ITGB1BP2: variants seen among roughly 807,000 people sequenced by gnomAD.
The protein encoded by ITGB1BP2 is integrin beta-1-binding protein 2.
ITGB1BP2 carries 27 observed loss-of-function variants against 32.2 expected under a neutral mutation model. That is an observed-to-expected ratio of 0.84 (90% confidence interval 0.62 to 1.16). ITGB1BP2 has a LOEUF of 1.16. Among genes scored for constraint, ITGB1BP2 ranks in the 50% most tolerant of loss-of-function variants. The pLI, the probability that ITGB1BP2 is intolerant of heterozygous loss-of-function variation, is 0.00. For synonymous variants in ITGB1BP2, 105 were observed against 94.7 expected, an observed-to-expected ratio of 1.11 and a Z score of -0.63; for missense variants, 250 against 267.3, an observed-to-expected ratio of 0.94 and a Z score of 0.45.
chrX:71,303,834 G>A lies in ITGB1BP2; in HGVS notation c.562G>A (p.Gly188Ser). Reference sequence around the variant, plus strand: ...CAGGATGAAGTCTTGGAGCTGTTGTGGCATCCAGACCCTGGATTTTGGGGC... The same window carrying A: ...CAGGATGAAGTCTTGGAGCTGTTGTAGCATCCAGACCCTGGATTTTGGGGC... ...HEGMKSWSCC[G>S]IQTLDFGAFL... Residue 188 changes from glycine (G) to serine (S), a missense_variant, in exon 8 of 11, where the codon GGC becomes AGC. Physicochemically the swap from Gly to Ser is moderately conservative, Grantham distance 56. Transcript: ENST00000373829. The A allele has an allele frequency of 8.3e-7, 1 of 1,208,853 alleles. No individual in the cohort carries two copies. The highest frequency in any genetic ancestry group is 1.1e-6 in the Non-Finnish European group (1 of 893,852).
chrX:71,302,008 T>C, intron 1 of ITGB1BP2, 129 bp from the exon 2 acceptor site: 1 of 902,035 alleles, frequency 1.1e-6, no homozygotes, highest in Admixed American at 3.3e-5. Context: ...TTACAGCCTT[T>C]GCTGGCTTTT....
chrX:71,301,944 T>C, intron 1 of ITGB1BP2, 74 bp downstream of exon 1: 1 of 978,001 alleles, frequency 1.0e-6, no homozygotes, highest in South Asian at 2.0e-5. Context: ...GGGCAGTGTG[T>C]TTGAGGAGCG....
Position 71,302,205 on chromosome X carries a change from G to A in ITGB1BP2, c.114+19G>A, listed in dbSNP as rs2031625186. On this transcript the variant is annotated intron_variant, in intron 2 of 10. Coordinates refer to ENST00000373829, the MANE Select transcript of ITGB1BP2 (RefSeq NM_012278.4). ...ACTTAAGGTGAGGAGTAGGTGAGGG[G>A]GGTTAGCAAGAGCATTTCCCAGAAG... The A allele has an allele frequency of 5.0e-6, 6 of 1,210,566 alleles. No homozygotes were observed. Among genetic ancestry groups the A allele is most frequent in the South Asian group, 1.8e-5 (1 of 56,919 alleles).
intron 7 of ITGB1BP2, 35 bp from the exon 8 acceptor site, chrX:71,303,777 T>C (rs1334766782): frequency 8.5e-7 from 1 of 1,176,733 alleles, no homozygotes; most frequent in Non-Finnish European, 1.2e-6. Context: ...ATATTGGGGG[T>C]GAGAGAATTC....
At position 71,303,671 on chromosome X, in the gene ITGB1BP2, C is replaced by T; in HGVS notation, c.513C>T (p.His171=). ...PESDATPCTY[H]PGAPRFHEGM... is the part of the protein sequence containing the mutation. ...GTGATGCTACTCCATGTACCTACCA[C>T]CCAGGAGCACCCCGATTCCATGAGG... Residue 171 remains histidine (H), a synonymous_variant, in exon 7 of 11, where the codon CAC becomes CAT. Transcript: ENST00000373829. The T allele has an allele frequency of 1.7e-6, 2 of 1,210,725 alleles. No individual in the cohort carries two copies. Among genetic ancestry groups the T allele is most frequent in the South Asian group, 3.5e-5 (2 of 56,913 alleles).
chrX:71,302,140 C>A lies in ITGB1BP2; in HGVS notation c.68C>A (p.Ser23Tyr). 1 of 1,209,420 alleles carries A rather than the reference C, an allele frequency of 8.3e-7. No homozygotes were observed. The highest frequency in any genetic ancestry group is 3.0e-5 in the East Asian group (1 of 33,802). ...HFDPNTNLPD[S>Y]CCHHPGVPIF... ...TAACTTCTACTGATGTCCACAGATTCCTGTTGCCATCACCCTGGGGTCCCA... is the reference window on the plus strand; with the variant it reads ...TAACTTCTACTGATGTCCACAGATTACTGTTGCCATCACCCTGGGGTCCCA... Residue 23 changes from serine to tyrosine, a missense_variant, in exon 2 of 11, where the codon TCC (serine) becomes TAC (tyrosine). By Grantham distance (144) the Ser-to-Tyr change is moderately radical. Transcript: ENST00000373829.
rs771539855 is a variant in ITGB1BP2, at chrX:71,304,237, G to A, written c.690G>A (p.Val230=). 1.7e-6 allele frequency: 2 copies of A among 1,209,080 alleles called. No homozygotes were observed. Among genetic ancestry groups the A allele is most frequent in the Non-Finnish European group, 2.2e-6 (2 of 894,416 alleles). The part of the protein sequence containing the change: ...HDWHQTDSLV[V]VTVYGQIPLP... ...GGCACCAGACAGATTCCTTAGTAGT[G>A]GTGACTGTATATGGCCAGATTCCAC... is the stretch of plus-strand genomic sequence containing the variant. Residue 230 remains valine (V), a synonymous_variant, in exon 9 of 11, where the codon GTG becomes GTA. Transcript: ENST00000373829.
Position 71,304,225 on chromosome X carries a change from T to C in ITGB1BP2, c.678T>C (p.Asp226=), listed in dbSNP as rs141946282. The C allele has an allele frequency of 1.1e-5, 13 of 1,209,117 alleles. No homozygotes were observed. Among genetic ancestry groups the C allele is most frequent in the Non-Finnish European group, 1.3e-5 (12 of 894,331 alleles). Residue 226 remains aspartate, a synonymous_variant, in exon 9 of 11, where the codon GAT becomes GAC. Coordinates refer to ENST00000373829, the MANE Select transcript of ITGB1BP2 (RefSeq NM_012278.4). ...ASCRHDWHQT[D]SLVVVTVYGQ... ...GCCGCCATGATTGGCACCAGACAGA[T>C]TCCTTAGTAGTGGTGACTGTATATG...
intron 4 of ITGB1BP2, 109 bp from the exon 5 acceptor site, chrX:71,303,153 C>T (rs1569243883): frequency 1.4e-6 from 1 of 698,369 alleles, no homozygotes. Context: ...CTCTCCAACT[C>T]TGCCTCACTT....
In ITGB1BP2 at chrX:71,302,341, A is replaced by T; in HGVS notation, c.171+8A>T. The T allele has an allele frequency of 2.5e-6, 3 of 1,210,933 alleles. No individual in the cohort carries two copies. Among genetic ancestry groups the T allele is most frequent in the Non-Finnish European group, 3.4e-6 (3 of 895,047 alleles). On this transcript the variant is annotated splice_region_variant and intron_variant, in intron 3 of 10. Coordinates refer to ENST00000373829, the MANE Select transcript of ITGB1BP2 (RefSeq NM_012278.4). The stretch of plus-strand genomic sequence containing the variant: ...GAGTTCTTAAACATCAAGGTAAATT[A>T]TTTATGTACTTGGATTCTGCCCCCA...
At chrX:71,304,348 A>G in intron 9 of ITGB1BP2, 48 bp downstream of exon 9, 1 of 993,613 alleles carries the variant, frequency 1.0e-6, no homozygotes. Flanking sequence ...ATTGGGTGAT[A>G]CTACAATCTC....
chrX:71,303,672 C>T lies in ITGB1BP2; in HGVS notation c.514C>T (p.Pro172Ser). 1 of 1,210,642 alleles carries T rather than the reference C, an allele frequency of 8.3e-7. No individual in the cohort carries two copies. The highest frequency in any genetic ancestry group is 1.1e-6 in the Non-Finnish European group (1 of 894,835). ...TGATGCTACTCCATGTACCTACCAC[C>T]CAGGAGCACCCCGATTCCATGAGGG... ...ESDATPCTYH[P>S]GAPRFHEGMK... is the part of the protein sequence containing the mutation. The change falls in exon 7 of 11, where the codon CCA (proline) becomes TCA (serine). Residue 172 changes from proline to serine, a missense_variant. Pro to Ser is a moderately conservative substitution (Grantham distance 74). Coordinates refer to ENST00000373829, the MANE Select transcript of ITGB1BP2 (RefSeq NM_012278.4).
Position 71,302,131 on chromosome X carries a change from CCA to C in ITGB1BP2, c.65-3_65-2del. 1 of 1,209,361 alleles carries C rather than the reference CCA, an allele frequency of 8.3e-7. No homozygotes were observed. The highest frequency in any genetic ancestry group is 1.1e-6 in the Non-Finnish European group (1 of 894,266). On this transcript the variant is annotated splice_region_variant and splice_polypyrimidine_tract_variant and intron_variant, in intron 1 of 10. Coordinates refer to ENST00000373829, the MANE Select transcript of ITGB1BP2 (RefSeq NM_012278.4). ...CTTCCTTGATAACTTCTACTGATGT[CCA>C]CAGATTCCTGTTGCCATCACCCTGG...
At chrX:71,303,133 G>GCTAC (rs2031642646) in intron 4 of ITGB1BP2, 129 bp from the exon 5 acceptor site, 2 of 556,861 alleles carry the variant, frequency 3.6e-6, no homozygotes, top group Admixed American at 4.0e-5. Context: ...CAATGGGGTT[G>GCTAC]CTACCCAACC....
In ITGB1BP2 at chrX:71,302,533, G is replaced by C. The variant is rs373005726; in HGVS notation, c.294G>C (p.Glu98Asp). ...KPLNVIPKSAETLRRERPKSE... is the reference protein window; with the variant it reads ...KPLNVIPKSADTLRRERPKSE... ...TGAATGTGATTCCAAAGTCAGCAGA[G>C]ACCTTGCGCCGGGAGAGGCCCAAGT... The change falls in exon 4 of 11, where the codon GAG (glutamate) becomes GAC (aspartate). Residue 98 changes from glutamate (E) to aspartate (D), a missense_variant. Transcript: ENST00000373829. The C allele has an allele frequency of 3.3e-6, 4 of 1,206,786 alleles. No individual in the cohort carries two copies. Among genetic ancestry groups the C allele is most frequent in the African/African-American group, 1.8e-5 (1 of 56,852 alleles).
At chrX:71,302,978 C>T (rs1198515926) in intron 4 of ITGB1BP2, among the ~76,000 whole-genome samples, 3 of 111,562 alleles carry the variant, frequency 2.7e-5, no homozygotes, top group East Asian at 2.8e-4. Flanking sequence ...ATTAGGTCCA[C>T]GATTAGATAA....
intron 8 of ITGB1BP2, 36 bp downstream of exon 8, chrX:71,303,947 C>G (rs1488012740): frequency 9.2e-7 from 1 of 1,087,916 alleles, no homozygotes; most frequent in African/African-American, 1.8e-5. Context: ...TGATTAGAAC[C>G]CAATCTCAGA....
chrX:71,303,295 T>C lies in ITGB1BP2; in HGVS notation c.351T>C (p.Asn117=). ...SELPLKLLPL[N]ISQALEMALE... ...TGCCTCTGAAGCTGCTGCCGCTAAA[T>C]ATATCCCAAGCCCTGGAAATGGCAT... Residue 117 remains asparagine, a synonymous_variant, in exon 5 of 11, where the codon AAT becomes AAC. Transcript: ENST00000373829. 1 of 1,211,569 alleles carries C rather than the reference T, an allele frequency of 8.3e-7. No individual in the cohort carries two copies. The highest frequency in any genetic ancestry group is 1.1e-6 in the Non-Finnish European group (1 of 895,456).
In ITGB1BP2 at chrX:71,304,251, G is replaced by A. The variant is rs1175263636; in HGVS notation, c.704G>A (p.Gly235Asp). 1 of 1,208,565 alleles carries A rather than the reference G, an allele frequency of 8.3e-7. No homozygotes were observed. Among genetic ancestry groups the A allele is most frequent in the African/African-American group, 1.8e-5 (1 of 57,118 alleles). The change falls in exon 9 of 11, where the codon GGC becomes GAC. Residue 235 changes from glycine to aspartate, a missense_variant. Coordinates refer to ENST00000373829, the MANE Select transcript of ITGB1BP2 (RefSeq NM_012278.4). ...TCCTTAGTAGTGGTGACTGTATATGGCCAGATTCCACTTCCTGCGTTTAAC... is the reference window on the plus strand; with the variant it reads ...TCCTTAGTAGTGGTGACTGTATATGACCAGATTCCACTTCCTGCGTTTAAC... Reference protein sequence around the residue: ...TDSLVVVTVYGQIPLPAFNWV... With the variant: ...TDSLVVVTVYDQIPLPAFNWV...
Sources: allele counts gnomAD v4.1 joint callset (sites outside exome capture counted in the v4.1 genomes callset), GRCh38; gene constraint gnomAD v4.1.1; transcripts MANE v1.5; gene names NCBI Gene and HGNC (gene_info 2026-07-23, HGNC 2026-07-21).